The following ZEB1 variants were observed in gnomAD, a reference collection of about 807,000 sequenced individuals.
ZEB1 encodes zinc finger E-box-binding homeobox 1.
In ZEB1, 21 loss-of-function variants were observed where a neutral mutation model predicts 84.9. That is an observed-to-expected ratio of 0.25 (90% CI 0.18 to 0.36). The LOEUF is 0.36. Among genes scored for constraint, ZEB1 ranks in the 10% least tolerant of loss-of-function variants. The probability of loss-of-function intolerance (pLI) is 1.00; values close to 1 mark genes in which losing one functional copy is unlikely to be tolerated. For synonymous variants in ZEB1, 420 were observed against 471.1 expected, an observed-to-expected ratio of 0.89 and a Z score of 1.41; for missense variants, 1,104 against 1,330.2, an observed-to-expected ratio of 0.83 and a Z score of 2.65.
intron 1 of ZEB1, among the ~76,000 whole-genome samples, chr10:31,342,548 C>T (rs958161865): frequency 2.0e-5 from 3 of 151,934 alleles, no homozygotes; most frequent in East Asian, 1.9e-4. Flanking sequence ...TCTCTGTAGG[C>T]GTCGATGTAG....
chr10:31,357,311 A>G (rs2042280324), intron 1 of ZEB1, among the ~76,000 whole-genome samples: 1 of 152,182 alleles, frequency 6.6e-6, no homozygotes, highest in Admixed American at 6.5e-5. Context: ...GAGTAGGATG[A>G]GAATGCACAG....
At chr10:31,333,057 A>G (rs1163051790) in intron 1 of ZEB1, among the ~76,000 whole-genome samples, 2 of 152,154 alleles carry the variant, frequency 1.3e-5, no homozygotes, top group Non-Finnish European at 2.9e-5. Flanking sequence ...TTGGTGGGGA[A>G]CATCATCTTC....
chr10:31,484,326 C>G (rs2065449679), intron 2 of ZEB1, among the ~76,000 whole-genome samples: 1 of 151,958 alleles, frequency 6.6e-6, no homozygotes, highest in South Asian at 2.1e-4. Context: ...AAAAATCACA[C>G]AAGTTCATAA....
chr10:31,381,490 C>G (rs1239354533), intron 1 of ZEB1, among the ~76,000 whole-genome samples: 1 of 152,128 alleles, frequency 6.6e-6, no homozygotes, highest in Non-Finnish European at 1.5e-5. Flanking sequence ...GTTTCTAAAT[C>G]AAGAATATTG....
intron 1 of ZEB1, among the ~76,000 whole-genome samples, chr10:31,414,115 T>G (rs1444115412): frequency 6.6e-6 from 1 of 152,250 alleles, no homozygotes; most frequent in African/African-American, 2.4e-5. Flanking sequence ...GCTTTATCTC[T>G]CTGACCTTAG....
intron 1 of ZEB1, among the ~76,000 whole-genome samples, chr10:31,326,392 T>C (rs1051861349): frequency 1.3e-5 from 2 of 152,224 alleles, no homozygotes; most frequent in Non-Finnish European, 2.9e-5. Context: ...TGAATCTCTT[T>C]TGATACACTT....
intron 1 of ZEB1, among the ~76,000 whole-genome samples, chr10:31,406,905 G>T (rs1235328628): frequency 6.6e-6 from 1 of 151,910 alleles, no homozygotes; most frequent in Admixed American, 6.6e-5. Context: ...TCAGTTTTCT[G>T]CATATGGCTA....
Position 31,521,727 on chromosome 10 carries a change from A to C in ZEB1, c.2395A>C (p.Asn799His). Residue 799 changes from asparagine to histidine, a missense_variant, in exon 7 of 9, where the codon AAC becomes CAC. Physicochemically the swap from Asn to His is moderately conservative, Grantham distance 68. Coordinates refer to ENST00000424869, the MANE Select transcript of ZEB1 (RefSeq NM_001174096.2). ...PVVNVIPPSA[N>H]PINIAIPTVT... ...TGTAAATGTAATCCCACCAAGTGCC[A>C]ACCCCATAAATATCGCTATACCTAC... 6.2e-7 allele frequency: 1 copy of C among 1,614,170 alleles called. No homozygotes were observed. Among genetic ancestry groups the C allele is most frequent in the Non-Finnish European group, 8.5e-7 (1 of 1,180,016 alleles).
chr10:31,321,046 C>T (rs777550779), intron 1 of ZEB1: 2 of 703,688 alleles, frequency 2.8e-6, no homozygotes, highest in South Asian at 6.0e-5. Context: ...ATAATGGGAC[C>T]GCTGCAGCGT....
At chr10:31,453,913 G>A (rs1224121364) in intron 1 of ZEB1, among the ~76,000 whole-genome samples, 1 of 152,132 alleles carries the variant, frequency 6.6e-6, no homozygotes, top group Non-Finnish European at 1.5e-5. Context: ...ATTTTATGAG[G>A]CCAGCATCAT....
chr10:31,360,398 T>C (rs368052869), intron 1 of ZEB1, among the ~76,000 whole-genome samples: 43 of 152,336 alleles, frequency 2.8e-4, no homozygotes, highest in East Asian at 2.1e-3. Flanking sequence ...GGATATAGTT[T>C]AGGAGGTATT....
At chr10:31,380,746 A>G (rs1008046692) in intron 1 of ZEB1, among the ~76,000 whole-genome samples, 12 of 152,202 alleles carry the variant, frequency 7.9e-5, no homozygotes, top group African/African-American at 1.2e-4. Flanking sequence ...GTTAATACCT[A>G]GTGTAACATT....
At chr10:31,331,282 T>C (rs769007530) in intron 1 of ZEB1, among the ~76,000 whole-genome samples, 5 of 151,876 alleles carry the variant, frequency 3.3e-5, no homozygotes, top group Non-Finnish European at 5.9e-5. Flanking sequence ...GAGATGGGGT[T>C]TCACCGTGTT....
chr10:31,467,334 A>C (rs1039177236), intron 2 of ZEB1, among the ~76,000 whole-genome samples: 2 of 151,212 alleles, frequency 1.3e-5, no homozygotes, highest in Non-Finnish European at 3.0e-5. Flanking sequence ...CTGGGCACCC[A>C]CCCCCGAGTG....
Position 31,521,819 on chromosome 10 carries a change from G to A in ZEB1, c.2487G>A (p.Ala829=), listed in dbSNP as rs201567879. ...AGAACAGTGTTCCATGCTTAAGAGCGCTAGCTGCCAATAAGCAAACGATTC... is the reference window on the plus strand; with the variant it reads ...AGAACAGTGTTCCATGCTTAAGAGCACTAGCTGCCAATAAGCAAACGATTC... The part of the protein sequence containing the change: ...ADQNSVPCLR[A]LAANKQTILI... Residue 829 remains alanine (A), a synonymous_variant, in exon 7 of 9, where the codon GCG becomes GCA. Transcript: ENST00000424869. The A allele has an allele frequency of 2.2e-5, 35 of 1,613,610 alleles. No individual in the cohort carries two copies. In the Admixed American group the frequency reaches 2.8e-4, roughly 13 times the overall value.
intron 1 of ZEB1, among the ~76,000 whole-genome samples, chr10:31,459,935 A>G (rs1216493316): frequency 6.6e-6 from 1 of 150,554 alleles, no homozygotes; most frequent in Non-Finnish European, 1.5e-5. Flanking sequence ...TTTTTCAAGA[A>G]TTGTTGGAAA....
At chr10:31,479,991 G>A (rs2064828471) in intron 2 of ZEB1, among the ~76,000 whole-genome samples, 1 of 151,890 alleles carries the variant, frequency 6.6e-6, no homozygotes, top group Non-Finnish European at 1.5e-5. Context: ...TCATGCTTGT[G>A]TCAGTTAAAC....
intron 1 of ZEB1, among the ~76,000 whole-genome samples, chr10:31,437,400 A>G (rs1184892476): frequency 6.6e-6 from 1 of 152,260 alleles, no homozygotes; most frequent in African/African-American, 2.4e-5. Flanking sequence ...TCAAGCTTGT[A>G]ACATATTATA....
At chr10:31,526,067 G>A (rs902159174) in intron 8 of ZEB1, among the ~76,000 whole-genome samples, 3 of 152,306 alleles carry the variant, frequency 2.0e-5, no homozygotes, top group African/African-American at 2.4e-5. Context: ...TAGCCCATGC[G>A]TTCTCAGGAG....
Sources: allele counts gnomAD v4.1 joint callset (sites outside exome capture counted in the v4.1 genomes callset), GRCh38; gene constraint gnomAD v4.1.1; transcripts MANE v1.5; gene names NCBI Gene and HGNC (gene_info 2026-07-23, HGNC 2026-07-21).